The following DDR2 variants were observed in gnomAD, a reference collection of about 807,000 sequenced individuals.
DDR2 encodes the protein discoidin domain receptor tyrosine kinase 2, also known as discoidin domain-containing receptor 2.
Under a neutral mutation model 94.9 loss-of-function variants are expected in DDR2, and 27 were observed. That is an observed-to-expected ratio of 0.28 (90% CI 0.21 to 0.39). The LOEUF is 0.39. DDR2 is among the 10% of genes least tolerant of loss of function. DDR2 has a pLI of 1.00. For missense variants in DDR2, 783 were observed against 1,076.0 expected, an observed-to-expected ratio of 0.73 and a Z score of 3.81; for synonymous variants, 382 against 377.2, an observed-to-expected ratio of 1.01 and a Z score of -0.15.
At chr1:162,646,826 G>C (rs1657433047) in intron 1 of DDR2, among the ~76,000 whole-genome samples, 1 of 152,160 alleles carries the variant, frequency 6.6e-6, no homozygotes, top group South Asian at 2.1e-4. Context: ...AAATGTCCAG[G>C]GGGCCTGAAT....
chr1:162,778,495 G>A (rs998098030), intron 16 of DDR2, 85 bp from the exon 17 acceptor site: 2 of 1,538,528 alleles, frequency 1.3e-6, no homozygotes, highest in Non-Finnish European at 1.8e-6. Context: ...TGGGGGAAGG[G>A]GTATAGCTGC....
At chr1:162,631,625 T>C (rs1229727198), upstream of DDR2, among the ~76,000 whole-genome samples, 2 of 152,018 alleles carry the variant, frequency 1.3e-5, no homozygotes, top group Non-Finnish European at 2.9e-5. Flanking sequence ...GGCTGGAGCC[T>C]GGATGGATGG....
intron 6 of DDR2, among the ~76,000 whole-genome samples, 156 bp downstream of exon 6, chr1:162,755,459 A>T (rs2102137578): frequency 6.6e-6 from 1 of 152,336 alleles, no homozygotes; most frequent in East Asian, 1.9e-4. Flanking sequence ...TCATTAACCC[A>T]GGGCTTAGGG....
At chr1:162,711,025 C>A (rs745927854) in intron 2 of DDR2, among the ~76,000 whole-genome samples, 3 of 152,202 alleles carry the variant, frequency 2.0e-5, no homozygotes, top group Non-Finnish European at 2.9e-5. Flanking sequence ...AATTTTCATT[C>A]TTCAGCAAAG....
intron 3 of DDR2, among the ~76,000 whole-genome samples, chr1:162,745,490 T>G (rs568416981): frequency 6.6e-6 from 1 of 152,206 alleles, no homozygotes; most frequent in Non-Finnish European, 1.5e-5. Context: ...CCATTTTGAG[T>G]TGATTTTTGG....
chr1:162,768,069 G>A (rs541910046), intron 11 of DDR2, among the ~76,000 whole-genome samples: 2 of 152,240 alleles, frequency 1.3e-5, no homozygotes, highest in African/African-American at 4.8e-5. Flanking sequence ...GCATTGTTAT[G>A]TTTAACTATT....
intron 1 of DDR2, among the ~76,000 whole-genome samples, chr1:162,649,840 G>A (rs1192711919): frequency 6.6e-6 from 1 of 152,210 alleles, no homozygotes; most frequent in Non-Finnish European, 1.5e-5. Context: ...ATTCCCAATG[G>A]TCACTTAATC....
intron 2 of DDR2, among the ~76,000 whole-genome samples, chr1:162,715,156 A>G (rs535169531): frequency 1.3e-5 from 2 of 152,306 alleles, no homozygotes; most frequent in East Asian, 3.9e-4. Flanking sequence ...GTCACTGAAT[A>G]TATGGCTCAA....
chr1:162,686,719 TTCGATATA>T lies in DDR2; in HGVS notation c.-28+31347_-28+31354del, dbSNP rs1220200001. Among the ~76,000 whole-genome samples, 3 of 152,174 alleles carry T rather than the reference TTCGATATA, an allele frequency of 2.0e-5. No homozygotes were observed. The East Asian group carries it at 5.8e-4, about 29-fold the overall frequency. On this transcript the variant is annotated intron_variant, in intron 2 of 17. Coordinates refer to ENST00000367921, the MANE Select transcript of DDR2 (RefSeq NM_006182.4). ...TTATAGTAGAATGATTTATAATCCT[TTCGATATA>T]TACCCAGTAATGGGAATTTTTTGTA...
rs537439182 is a variant in DDR2 at position 162,784,937 on chromosome 1, T to A, written c.*4691T>A. 1.2e-4 allele frequency: 19 copies of A among 152,358 alleles called. No homozygotes were observed. The highest frequency in any genetic ancestry group is 3.4e-3 in the Middle Eastern group (1 of 294). 9.4% of individuals were successfully genotyped at this position (152,358 alleles called of 1,614,324 possible). A position where few individuals can be genotyped will look rare whatever the true frequency, so the allele number is the denominator to read the frequency against. ...TCATTTAGTTGCTGGATACTTTTAA[T>A]TCTTGCTGATTTGTAAACTGGCCTT... On this transcript the variant is annotated 3_prime_UTR_variant, in exon 18 of 18. Transcript: ENST00000367921.
chr1:162,663,002 C>T (rs1210969436), intron 2 of DDR2, among the ~76,000 whole-genome samples: 1 of 152,160 alleles, frequency 6.6e-6, no homozygotes, highest in African/African-American at 2.4e-5. Flanking sequence ...ATTATATACT[C>T]ATAACAGTGG....
intron 1 of DDR2, among the ~76,000 whole-genome samples, chr1:162,640,810 T>G (rs1657094610): frequency 6.6e-6 from 1 of 152,022 alleles, no homozygotes; most frequent in African/African-American, 2.4e-5. Context: ...TGTCATACTC[T>G]TCAAATTATA....
intron 3 of DDR2, among the ~76,000 whole-genome samples, chr1:162,728,415 G>A (rs996178554): frequency 7.2e-5 from 11 of 151,896 alleles, no homozygotes; most frequent in Admixed American, 3.3e-4. Flanking sequence ...CTGAAGAAAA[G>A]GCACAGAGGC....
chr1:162,635,674 G>A (rs913110744), intron 1 of DDR2, among the ~76,000 whole-genome samples: 9 of 152,096 alleles, frequency 5.9e-5, no homozygotes, highest in Non-Finnish European at 8.8e-5. Context: ...GGCATCCCAG[G>A]GCTTCTCTGA....
At chr1:162,636,373 G>A (rs548072092) in intron 1 of DDR2, among the ~76,000 whole-genome samples, 1 of 152,170 alleles carries the variant, frequency 6.6e-6, no homozygotes, top group Non-Finnish European at 1.5e-5. Context: ...GTTTAGCTGG[G>A]CTTCTCCTGG....
chr1:162,762,016 C>T (rs543951124), intron 9 of DDR2, among the ~76,000 whole-genome samples: 4 of 152,270 alleles, frequency 2.6e-5, no homozygotes, highest in Admixed American at 1.3e-4. Context: ...ATCTAACAAC[C>T]TTTATTATTA....
rs183383370 is a variant in DDR2, at chr1:162,708,836, A to T, written c.-27-10201A>T. On this transcript the variant is annotated intron_variant, in intron 2 of 17. Transcript: ENST00000367921. ...CATATTCTCTGAGTACTTACTGAGT[A>T]CTTACTATATAGGTGTTAATGGATA... 4.6e-5 allele frequency among the ~76,000 whole-genome samples: 7 copies of T among 152,352 alleles called. No homozygotes were observed. The East Asian group carries it at 1.3e-3, about 29-fold the overall frequency.
intron 3 of DDR2, among the ~76,000 whole-genome samples, chr1:162,748,975 A>T (rs1016840463): frequency 6.6e-6 from 1 of 151,676 alleles, no homozygotes; most frequent in Non-Finnish European, 1.5e-5. Context: ...AAGACACAAC[A>T]TACCAGAATC....
intron 6 of DDR2, 145 bp downstream of exon 6, chr1:162,755,448 C>A: frequency 1.6e-6 from 2 of 1,218,012 alleles, no homozygotes; most frequent in Non-Finnish European, 2.4e-6. Context: ...AGAAGCATTG[C>A]TCATTAACCC....
Sources: gnomAD v4.1 joint callset for allele counts (sites outside exome capture counted in the v4.1 genomes callset) on GRCh38, gnomAD v4.1.1 for gene constraint, MANE v1.5 for transcripts, NCBI Gene and HGNC (gene_info 2026-07-23, HGNC 2026-07-21) for gene names.